Variants in EPHA5 observed in about 807,000 individuals in gnomAD.
EPHA5 encodes ephrin type-A receptor 5.
Under a neutral mutation model 105.0 loss-of-function variants are expected in EPHA5, and 60 were observed. The observed-to-expected ratio is 0.57, with a 90% CI of 0.46 to 0.71. EPHA5 has a LOEUF of 0.71. Among genes scored for constraint, EPHA5 ranks in the 30% least tolerant of loss-of-function variants. EPHA5 has a pLI of 0.00. For missense variants in EPHA5, 1,218 were observed against 1,274.7 expected (o/e 0.96, Z 0.68); for synonymous variants, 513 against 449.1 (o/e 1.14, Z -1.80).
At chr4:65,565,612 T>C (rs549439290) in intron 3 of EPHA5, among the ~76,000 whole-genome samples, 1 of 151,524 alleles carries the variant, frequency 6.6e-6, no homozygotes, top group East Asian at 1.9e-4. Flanking sequence ...ATACTTCAAA[T>C]AATATTCTGC....
intron 3 of EPHA5, among the ~76,000 whole-genome samples, chr4:65,592,938 A>G (rs1449188857): frequency 6.6e-6 from 1 of 152,166 alleles, no homozygotes; most frequent in Non-Finnish European, 1.5e-5. Context: ...GAAATGCTAA[A>G]TCATGTGAGA....
intron 13 of EPHA5, among the ~76,000 whole-genome samples, chr4:65,350,369 TA>T (rs35181402): frequency 0.15 from 22,252 of 150,780 alleles, 2,032 homozygotes; most frequent in South Asian, 0.24. Flanking sequence ...AAAAATGTTT[TA>T]AAAAAAAAAC....
rs191420597 is a variant in EPHA5, at chr4:65,566,209, A to G, written c.910+35432T>C. Reference sequence around the variant, plus strand: ...CTCTTTCTGTTTAGCAATTCCATTCATGCAACAAAGATGTTCAGTGTACAT... The same window carrying G: ...CTCTTTCTGTTTAGCAATTCCATTCGTGCAACAAAGATGTTCAGTGTACAT... On this transcript the variant is annotated intron_variant, in intron 3 of 16. Transcript: ENST00000613740. Among the ~76,000 whole-genome samples, 134 of 151,876 alleles carry G rather than the reference A, an allele frequency of 8.8e-4. 1 individual carries two copies. Among genetic ancestry groups the G allele is most frequent in the African/African-American group, 3.0e-3 (124 of 41,540 alleles).
intron 5 of EPHA5, among the ~76,000 whole-genome samples, chr4:65,425,937 G>C (rs1470145555): frequency 6.6e-6 from 1 of 152,124 alleles, no homozygotes; most frequent in Non-Finnish European, 1.5e-5. Context: ...CTGGTTCATT[G>C]TTGCTTGCTT....
chr4:65,347,057 T>G (rs1232340925), intron 14 of EPHA5, among the ~76,000 whole-genome samples: 2 of 152,140 alleles, frequency 1.3e-5, no homozygotes, highest in African/African-American at 4.8e-5. Context: ...AAAGTGAGTG[T>G]TAATTACAGG....
At chr4:65,417,434 T>C (rs973191553) in intron 6 of EPHA5, among the ~76,000 whole-genome samples, 2 of 152,220 alleles carry the variant, frequency 1.3e-5, no homozygotes, top group Admixed American at 1.3e-4. Context: ...AATGTAGATA[T>C]GCTCAAATAT....
intron 3 of EPHA5, among the ~76,000 whole-genome samples, chr4:65,529,477 A>G (rs1246349391): frequency 2.6e-5 from 4 of 152,176 alleles, no homozygotes; most frequent in African/African-American, 9.6e-5. Context: ...AATACAACAT[A>G]TTCAGTTATG....
intron 5 of EPHA5, among the ~76,000 whole-genome samples, chr4:65,477,411 T>G (rs1169315219): frequency 6.6e-6 from 1 of 152,008 alleles, no homozygotes; most frequent in Non-Finnish European, 1.5e-5. Context: ...TTTGTTTTTT[T>G]GTTTGCTTGT....
At chr4:65,328,165 A>C (rs569256814) in intron 16 of EPHA5, among the ~76,000 whole-genome samples, 3 of 151,292 alleles carry the variant, frequency 2.0e-5, no homozygotes, top group African/African-American at 7.2e-5. Flanking sequence ...ATAACGAATT[A>C]TATTTTGATA....
At chr4:65,353,532 A>C (rs922406990) in intron 11 of EPHA5, among the ~76,000 whole-genome samples, 5 of 139,908 alleles carry the variant, frequency 3.6e-5, no homozygotes, top group African/African-American at 1.3e-4. Flanking sequence ...ACACACACAC[A>C]CCCTTGCCAA....
intron 8 of EPHA5, among the ~76,000 whole-genome samples, chr4:65,395,208 A>G (rs1157865419): frequency 6.6e-6 from 1 of 152,230 alleles, no homozygotes; most frequent in African/African-American, 2.4e-5. Context: ...ATGAAGGGAC[A>G]GATTCCAATT....
intron 14 of EPHA5, among the ~76,000 whole-genome samples, chr4:65,337,571 C>A (rs1390263976): frequency 1.3e-5 from 2 of 152,074 alleles, no homozygotes; most frequent in African/African-American, 2.4e-5. Flanking sequence ...TAAAACCAAG[C>A]AAATTCAAGC....
chr4:65,499,319 G>T (rs1732256553), intron 3 of EPHA5, among the ~76,000 whole-genome samples: 1 of 151,512 alleles, frequency 6.6e-6, no homozygotes, highest in Admixed American at 6.6e-5. Flanking sequence ...TGCTCTCTGA[G>T]GTGAAGCTTC....
chr4:65,589,913 C>A lies in EPHA5; in HGVS notation c.910+11728G>T, dbSNP rs1235505072. On this transcript the variant is annotated intron_variant, in intron 3 of 16. Transcript: ENST00000613740. ...TCCACCCACAAAATGGAAAATAAAA[C>A]TTTGATAGTCTCATTTTTTATTTTA... Among the ~76,000 whole-genome samples the A allele has an allele frequency of 2.0e-5, 3 of 152,224 alleles. No individual in the cohort carries two copies. In the East Asian group the frequency reaches 5.8e-4, roughly 29 times the overall value.
intron 3 of EPHA5, among the ~76,000 whole-genome samples, chr4:65,543,418 A>G (rs11724324): frequency 0.12 from 17,536 of 152,070 alleles, 1,443 homozygotes; most frequent in East Asian, 0.3. Flanking sequence ...AAGCATTCCT[A>G]TACACCAACA....
At chr4:65,573,380 C>T in intron 3 of EPHA5, 1 of 871,356 alleles carries the variant, frequency 1.1e-6, no homozygotes, top group Non-Finnish European at 1.6e-6. Context: ...CACTGCACTC[C>T]AGCCTGGGTG....
Position 65,322,049 on chromosome 4 carries a change from T to C in EPHA5, c.*2065A>G. 1 of 226,442 alleles carries C rather than the reference T, an allele frequency of 4.4e-6. No individual in the cohort carries two copies. Among genetic ancestry groups the C allele is most frequent in the Non-Finnish European group, 8.8e-6 (1 of 113,708 alleles). The allele number at this position is 226,442 out of a possible 1,614,324, so 14.0% of individuals were successfully genotyped here. Reference sequence around the variant, plus strand: ...TGAACAAATGCATCTTTAATAATGGTGATGCTTTTTTATGATTTTATCAAG... The same window carrying C: ...TGAACAAATGCATCTTTAATAATGGCGATGCTTTTTTATGATTTTATCAAG... On this transcript the variant is annotated 3_prime_UTR_variant, in exon 17 of 17. Transcript: ENST00000613740.
intron 2 of EPHA5, among the ~76,000 whole-genome samples, chr4:65,618,763 T>C (rs1428716490): frequency 6.6e-6 from 1 of 152,212 alleles, no homozygotes; most frequent in East Asian, 1.9e-4. Context: ...TAAGTTCCCA[T>C]TGGAGACATT....
At chr4:65,634,072 G>A (rs891291049) in intron 2 of EPHA5, among the ~76,000 whole-genome samples, 3 of 151,948 alleles carry the variant, frequency 2.0e-5, no homozygotes, top group Non-Finnish European at 2.9e-5. Context: ...CTTTCTTGAG[G>A]AAGTAATACT....
Sources: gnomAD v4.1 joint callset for allele counts (sites outside exome capture counted in the v4.1 genomes callset) on GRCh38, gnomAD v4.1.1 for gene constraint, MANE v1.5 for transcripts, NCBI Gene and HGNC (gene_info 2026-07-23, HGNC 2026-07-21) for gene names.